The following RBKS variants were observed in gnomAD, a reference collection of about 807,000 sequenced individuals.
RBKS encodes the protein ribokinase.
A neutral mutation model predicts 33.9 loss-of-function variants in RBKS; 33 were observed. That is an observed-to-expected ratio of 0.97 (90% CI 0.74 to 1.30). The LOEUF (loss-of-function observed/expected upper bound fraction) is 1.30. Ranked by LOEUF, RBKS falls within the 50% of genes most tolerant of loss-of-function variation. The pLI, the probability that RBKS is intolerant of heterozygous loss-of-function variation, is 0.00. For missense variants in RBKS, 361 were observed against 392.6 expected, an observed-to-expected ratio of 0.92 and a Z score of 0.68; for synonymous variants, 125 against 143.0, an observed-to-expected ratio of 0.87 and a Z score of 0.90.
chr2:27,799,068 A>G (rs1677722462), intron 7 of RBKS, among the ~76,000 whole-genome samples: 1 of 152,184 alleles, frequency 6.6e-6, no homozygotes, highest in Admixed American at 6.5e-5. Flanking sequence ...AAGAACTGTC[A>G]GGAGGATGGG....
In RBKS at chr2:27,810,250, C is replaced by A. The variant is rs144147627; in HGVS notation, c.795+17317G>T. ...TAGTTACGTGAAGGCTGTGTTTCTA[C>A]CAGGAATAAGCTAGTGTCTAAGGCA... is the stretch of plus-strand genomic sequence containing the variant. On this transcript the variant is annotated intron_variant, in intron 7 of 7. Coordinates refer to ENST00000302188, the MANE Select transcript of RBKS (RefSeq NM_022128.3). This position sits in a 1 kb window ranked among gnomAD's most constrained non-coding sequence, Gnocchi z 4.4. Among the ~76,000 whole-genome samples, 4 of 152,246 alleles carry A rather than the reference C, an allele frequency of 2.6e-5. No individual in the cohort carries two copies. In the East Asian group the frequency reaches 7.7e-4, roughly 29 times the overall value.
intron 6 of RBKS, among the ~76,000 whole-genome samples, chr2:27,828,678 C>G (rs1440206291): frequency 6.6e-6 from 1 of 152,192 alleles, no homozygotes; most frequent in South Asian, 2.1e-4. Flanking sequence ...CTCCCAATTT[C>G]TCTTTCAATA....
At chr2:27,852,092 A>G (rs1472526155) in intron 2 of RBKS, among the ~76,000 whole-genome samples, 4 of 152,172 alleles carry the variant, frequency 2.6e-5, no homozygotes, top group Non-Finnish European at 5.9e-5. Context: ...ACATAAGCCA[A>G]AAGGGAACTC....
intron 7 of RBKS, among the ~76,000 whole-genome samples, chr2:27,813,857 G>A (rs969574816): frequency 3.1e-4 from 47 of 152,164 alleles, no homozygotes; most frequent in Non-Finnish European, 5.9e-4. Flanking sequence ...ATTCCCTGTA[G>A]TAAAACTGCA....
At chr2:27,832,575 T>C (rs764869617) in intron 6 of RBKS, 111 bp downstream of exon 6, 1 of 752,140 alleles carries the variant, frequency 1.3e-6, no homozygotes, top group Non-Finnish European at 2.3e-6. Context: ...GTTTTCACCA[T>C]GCCTGAGAAT....
chr2:27,824,156 TCTTTTA>T (rs1678268090), intron 7 of RBKS, among the ~76,000 whole-genome samples: 1 of 152,222 alleles, frequency 6.6e-6, no homozygotes, highest in African/African-American at 2.4e-5. Flanking sequence ...ATGCCTGGCT[TCTTTTA>T]CTTAGTAGTA....
chr2:27,782,001 G>T (rs919720571), intron 7 of RBKS, among the ~76,000 whole-genome samples: 6 of 152,146 alleles, frequency 3.9e-5, no homozygotes, highest in Non-Finnish European at 8.8e-5. Flanking sequence ...ATATTATTAA[G>T]TGAACTTCAT....
intron 7 of RBKS, among the ~76,000 whole-genome samples, chr2:27,791,652 CATATACATA>C (rs1558533675): frequency 1.2e-3 from 65 of 55,372 alleles, no homozygotes; most frequent in East Asian, 5.8e-3. Flanking sequence ...ACTAAATATA[CATATACATA>C]TACATATACA....
chr2:27,880,532 A>C (rs192803876), intron 1 of RBKS, among the ~76,000 whole-genome samples: 1 of 152,184 alleles, frequency 6.6e-6, no homozygotes, highest in Non-Finnish European at 1.5e-5. Flanking sequence ...ATCTTGGCCC[A>C]AAAGCTCCTT....
At chr2:27,825,150 A>G (rs1215294183) in intron 7 of RBKS, among the ~76,000 whole-genome samples, 1 of 149,560 alleles carries the variant, frequency 6.7e-6, no homozygotes, top group Non-Finnish European at 1.5e-5. Context: ...AAAAAAAAAA[A>G]GTCAATTTTA....
chr2:27,798,903 T>C (rs1677715336), intron 7 of RBKS, among the ~76,000 whole-genome samples: 1 of 152,204 alleles, frequency 6.6e-6, no homozygotes, highest in South Asian at 2.1e-4. Flanking sequence ...AGCACTATGT[T>C]CAAAGCACTG....
chr2:27,856,720 G>A (rs1453303847), intron 2 of RBKS, among the ~76,000 whole-genome samples: 1 of 152,072 alleles, frequency 6.6e-6, no homozygotes, highest in African/African-American at 2.4e-5. Context: ...GCCATTTTGG[G>A]TGCATAGCTT....
At chr2:27,864,653 T>A (rs944221147) in intron 1 of RBKS, among the ~76,000 whole-genome samples, 2 of 132,542 alleles carry the variant, frequency 1.5e-5, no homozygotes, top group African/African-American at 5.7e-5. Context: ...AATTTTTAAG[T>A]ATTGACTCAT....
At chr2:27,784,308 C>T (rs1677357666) in intron 7 of RBKS, among the ~76,000 whole-genome samples, 1 of 152,072 alleles carries the variant, frequency 6.6e-6, no homozygotes, top group South Asian at 2.1e-4. Context: ...CTACCTCTTC[C>T]CAGTTTGTTG....
At chr2:27,849,404 A>T (rs1663688358) in intron 2 of RBKS, among the ~76,000 whole-genome samples, 1 of 151,664 alleles carries the variant, frequency 6.6e-6, no homozygotes, top group Admixed American at 6.6e-5. Flanking sequence ...CTCTACTGAA[A>T]ATACAAAAAT....
intron 7 of RBKS, among the ~76,000 whole-genome samples, chr2:27,786,337 C>T (rs536278855): frequency 4.6e-5 from 7 of 152,296 alleles, no homozygotes; most frequent in Admixed American, 1.3e-4. Context: ...AGGTTAGCCA[C>T]GCCTCTGTGC....
intron 7 of RBKS, among the ~76,000 whole-genome samples, chr2:27,806,446 C>T (rs1417254668): frequency 1.3e-5 from 2 of 152,206 alleles, no homozygotes; most frequent in African/African-American, 2.4e-5. Context: ...TTTTCCACAG[C>T]ACTTTCTGGT....
At position 27,804,935 on chromosome 2, in the gene RBKS, G is replaced by A. The variant is rs1677867594; in HGVS notation, c.795+22632C>T. On this transcript the variant is annotated intron_variant, in intron 7 of 7. Coordinates refer to ENST00000302188, the MANE Select transcript of RBKS (RefSeq NM_022128.3). The stretch of plus-strand genomic sequence containing the variant: ...CCAGGTACTCTGGAGGTTGAGGTGG[G>A]AGGATTGTTGAAGCCCAGGAAGTCG... 2.0e-5 allele frequency among the ~76,000 whole-genome samples: 3 copies of A among 152,122 alleles called. No individual in the cohort carries two copies. In the East Asian group the frequency reaches 5.8e-4, roughly 29 times the overall value.
chr2:27,857,109 GTA>G (rs1436492577), intron 2 of RBKS, among the ~76,000 whole-genome samples: 1 of 152,192 alleles, frequency 6.6e-6, no homozygotes, highest in Non-Finnish European at 1.5e-5. Context: ...AGTGATAATT[GTA>G]TAGTTTATAC....
Sources: allele counts gnomAD v4.1 joint callset (sites outside exome capture counted in the v4.1 genomes callset), GRCh38; gene constraint gnomAD v4.1.1; non-coding constraint Gnocchi (gnomAD v3.1); transcripts MANE v1.5; gene names NCBI Gene and HGNC (gene_info 2026-07-23, HGNC 2026-07-21).